The following SUPT3H variants were observed in gnomAD, a reference collection of about 807,000 sequenced individuals.
SUPT3H encodes the protein transcription initiation protein SPT3 homolog.
In SUPT3H, 44 loss-of-function variants were observed where a neutral mutation model predicts 44.3. That is an observed-to-expected ratio of 0.99 (90% CI 0.78 to 1.28). The LOEUF (loss-of-function observed/expected upper bound fraction) is 1.28. Among genes scored for constraint, SUPT3H ranks in the 50% most tolerant of loss-of-function variants. SUPT3H has a pLI of 0.00. For missense variants in SUPT3H, 380 were observed against 387.1 expected, an observed-to-expected ratio of 0.98 and a Z score of 0.15; for synonymous variants, 124 against 125.6, an observed-to-expected ratio of 0.99 and a Z score of 0.09.
intron 2 of SUPT3H, chr6:45,322,867 C>G: frequency 6.2e-7 from 1 of 1,608,622 alleles, no homozygotes; most frequent in Non-Finnish European, 8.5e-7. Flanking sequence ...CACTGGAGAG[C>G]CTCTGTCTCA....
chr6:45,306,795 AGTGGGTGC>A (rs1783099176), intron 2 of SUPT3H, among the ~76,000 whole-genome samples: 2 of 152,098 alleles, frequency 1.3e-5, no homozygotes, highest in African/African-American at 2.4e-5. Flanking sequence ...GGTGCAGGAC[AGTGGGTGC>A]AGCCCACTGA....
At chr6:45,132,288 T>C (rs1214551120) in intron 2 of SUPT3H, among the ~76,000 whole-genome samples, 1 of 152,216 alleles carries the variant, frequency 6.6e-6, no homozygotes, top group Non-Finnish European at 1.5e-5. Flanking sequence ...GTCAGACTGT[T>C]TGTAAACTTC....
In SUPT3H at chr6:45,375,097, C is replaced by T. The variant is rs201093685; in HGVS notation, c.-1+2671G>A. Reference sequence around the variant, plus strand: ...TGGCATGTGCCTGTAATCCCAGCTACTCGGGAGGCTGAGGCAGGAGAATCG... The same window carrying T: ...TGGCATGTGCCTGTAATCCCAGCTATTCGGGAGGCTGAGGCAGGAGAATCG... On this transcript the variant is annotated intron_variant, in intron 1 of 10. Coordinates refer to ENST00000371459, the MANE Select transcript of SUPT3H (RefSeq NM_003599.4). 9.9e-5 allele frequency among the ~76,000 whole-genome samples: 15 copies of T among 152,238 alleles called. No homozygotes were observed. The East Asian group carries it at 2.7e-3, about 27-fold the overall frequency.
chr6:44,900,885 C>T (rs1764904641), intron 10 of SUPT3H, among the ~76,000 whole-genome samples: 1 of 152,196 alleles, frequency 6.6e-6, no homozygotes, highest in South Asian at 2.1e-4. Flanking sequence ...GTTCTGCAGC[C>T]TCCGCTTTTG....
chr6:45,005,819 T>C (rs541817285), intron 5 of SUPT3H, among the ~76,000 whole-genome samples: 1 of 152,138 alleles, frequency 6.6e-6, no homozygotes, highest in Non-Finnish European at 1.5e-5. Flanking sequence ...CTATCAGATA[T>C]CTATTCTTAT....
At chr6:45,106,541 T>A (rs184895542) in intron 2 of SUPT3H, among the ~76,000 whole-genome samples, 5,657 of 150,450 alleles carry the variant, frequency 0.038, 142 homozygotes, top group Admixed American at 0.075. Flanking sequence ...GTTTTTATTT[T>A]TTTTATTTTT....
intron 2 of SUPT3H, among the ~76,000 whole-genome samples, chr6:45,142,678 G>A (rs1805409734): frequency 7.5e-6 from 1 of 132,482 alleles, no homozygotes; most frequent in Admixed American, 8.8e-5. Context: ...GGAAGTTGCA[G>A]TGAGCAGAGA....
At chr6:44,930,675 G>A (rs1431664840) in intron 10 of SUPT3H, among the ~76,000 whole-genome samples, 2 of 152,116 alleles carry the variant, frequency 1.3e-5, no homozygotes, top group African/African-American at 4.8e-5. Context: ...CCCCTCCTGA[G>A]GAATAATAAC....
intron 2 of SUPT3H, among the ~76,000 whole-genome samples, chr6:45,213,488 A>C (rs1764468103): frequency 1.3e-5 from 2 of 152,328 alleles, no homozygotes; most frequent in South Asian, 4.1e-4. Flanking sequence ...ATAACCTATT[A>C]TTCTTCATTG....
intron 3 of SUPT3H, among the ~76,000 whole-genome samples, chr6:45,072,583 T>C (rs1396112436): frequency 6.6e-6 from 1 of 152,144 alleles, no homozygotes; most frequent in East Asian, 1.9e-4. Context: ...AAAGTTCTTT[T>C]AGATTCAAGG....
intron 2 of SUPT3H, among the ~76,000 whole-genome samples, chr6:45,167,457 A>T (rs749760654): frequency 9.2e-5 from 14 of 152,226 alleles, no homozygotes; most frequent in Admixed American, 3.3e-4. Flanking sequence ...AGTCATATTA[A>T]GAAACCTTTT....
At chr6:45,115,584 G>C (rs1339307702) in intron 2 of SUPT3H, among the ~76,000 whole-genome samples, 1 of 151,984 alleles carries the variant, frequency 6.6e-6, no homozygotes, top group Non-Finnish European at 1.5e-5. Context: ...AGGAAACACT[G>C]ATTTAAACAA....
At chr6:45,372,519 T>C (rs1181696113) in intron 1 of SUPT3H, among the ~76,000 whole-genome samples, 1 of 152,154 alleles carries the variant, frequency 6.6e-6, no homozygotes, top group Non-Finnish European at 1.5e-5. Flanking sequence ...TCAGCAAAAG[T>C]ACATTTCAAG....
intron 10 of SUPT3H, among the ~76,000 whole-genome samples, chr6:44,833,243 T>C (rs1769191162): frequency 6.6e-6 from 1 of 152,170 alleles, no homozygotes; most frequent in Non-Finnish European, 1.5e-5. Context: ...ACAAATACTT[T>C]ATTTCTCAAA....
intron 1 of SUPT3H, among the ~76,000 whole-genome samples, chr6:45,374,033 C>T (rs1256122536): frequency 2.0e-5 from 3 of 152,060 alleles, no homozygotes; most frequent in Admixed American, 6.6e-5. Context: ...TAAAGTAAGA[C>T]GATAATTTTT....
intron 3 of SUPT3H, among the ~76,000 whole-genome samples, chr6:45,041,163 G>A (rs566328562): frequency 1.3e-5 from 2 of 151,926 alleles, no homozygotes; most frequent in African/African-American, 4.8e-5. Flanking sequence ...CATTACGTTA[G>A]GGAATAAATA....
At chr6:45,019,480 G>A (rs1562274351) in intron 4 of SUPT3H, among the ~76,000 whole-genome samples, 1 of 152,034 alleles carries the variant, frequency 6.6e-6, no homozygotes, top group South Asian at 2.1e-4. Flanking sequence ...TCTCTTGTGG[G>A]CATTTAGATT....
intron 10 of SUPT3H, among the ~76,000 whole-genome samples, chr6:44,903,900 C>T (rs1355467633): frequency 1.3e-5 from 2 of 152,114 alleles, no homozygotes; most frequent in African/African-American, 2.4e-5. Context: ...TAAACCTAAT[C>T]CAGCATATAA....
intron 10 of SUPT3H, among the ~76,000 whole-genome samples, chr6:44,846,111 G>A (rs769019456): frequency 1.6e-4 from 24 of 152,284 alleles, no homozygotes; most frequent in Non-Finnish European, 2.4e-4. Context: ...TGGGCAGTGG[G>A]GCACTGAACA....
Sources: gnomAD v4.1 joint callset for allele counts (sites outside exome capture counted in the v4.1 genomes callset) on GRCh38, gnomAD v4.1.1 for gene constraint, MANE v1.5 for transcripts, NCBI Gene and HGNC (gene_info 2026-07-23, HGNC 2026-07-21) for gene names.